Variants in MFN2 observed in about 807,000 individuals in gnomAD.
MFN2 encodes mitofusin 2.
MFN2 carries 43 observed loss-of-function variants against 87.5 expected under a neutral mutation model. That is an observed-to-expected ratio of 0.49 (90% CI 0.38 to 0.63). The LOEUF is 0.63. MFN2 is among the 30% of genes least tolerant of loss of function. The pLI, the probability that MFN2 is intolerant of heterozygous loss-of-function variation, is 0.00. For missense variants in MFN2, 743 were observed against 972.8 expected, an observed-to-expected ratio of 0.76 and a Z score of 3.14; for synonymous variants, 337 against 359.9, an observed-to-expected ratio of 0.94 and a Z score of 0.72.
At chr1:11,984,539 G>A (rs1404197877) in intron 2 of MFN2, among the ~76,000 whole-genome samples, 1 of 152,220 alleles carries the variant, frequency 6.6e-6, no homozygotes, top group African/African-American at 2.4e-5. Context: ...CACGGATCCA[G>A]GCTCATAACT....
Position 12,003,439 on chromosome 1 carries a change from TG to T in MFN2, c.1161-551del, listed in dbSNP as rs1639262964. Among the ~76,000 whole-genome samples, 1 of 152,200 alleles carries T rather than the reference TG, an allele frequency of 6.6e-6. No individual in the cohort carries two copies. The highest frequency in any genetic ancestry group is 1.5e-5 in the Non-Finnish European group (1 of 68,036). ...CAACACTTTGGGAGGCCAAGGCGGA[TG>T]GATCACCTGAGGTCAGGAGTTCAAG... On this transcript the variant is annotated intron_variant, in intron 11 of 18. Coordinates refer to ENST00000235329, the MANE Select transcript of MFN2 (RefSeq NM_014874.4). This position sits in a 1 kb window ranked among gnomAD's most constrained non-coding sequence, Gnocchi z 4.1.
At chr1:11,997,263 C>T (rs760774427) in intron 5 of MFN2, 34 bp from the exon 6 acceptor site, 20 of 1,613,428 alleles carry the variant, frequency 1.2e-5, no homozygotes, top group Non-Finnish European at 1.7e-5. Flanking sequence ...GGTGGTTCCT[C>T]CTCAGCCTCT....
intron 2 of MFN2, among the ~76,000 whole-genome samples, chr1:11,988,269 AT>A (rs1638513460): frequency 6.6e-6 from 1 of 151,208 alleles, no homozygotes; most frequent in Non-Finnish European, 1.5e-5. Flanking sequence ...ACCCGGCTAT[AT>A]TTTTTTGTAT....
rs920021325 is a variant in MFN2 at position 12,009,311 on chromosome 1, C to T, written c.2070-281C>T. 3.9e-5 allele frequency among the ~76,000 whole-genome samples: 6 copies of T among 152,204 alleles called. No individual in the cohort carries two copies. In the East Asian group the frequency reaches 5.8e-4, roughly 15 times the overall value. On this transcript the variant is annotated intron_variant, in intron 17 of 18. Coordinates refer to ENST00000235329, the MANE Select transcript of MFN2 (RefSeq NM_014874.4). ...AAATAGTGACGTGTCCTCTGCTACT[C>T]GGCTGATGAGCAGCAGAGTCAGGAT...
chr1:11,994,589 CAAAAA>C, intron 4 of MFN2, among the ~76,000 whole-genome samples: 1 of 133,364 alleles, frequency 7.5e-6, no homozygotes, highest in Non-Finnish European at 1.6e-5. Flanking sequence ...GACTCCGTCT[CAAAAA>C]AAAAAAATCT....
At chr1:11,989,541 T>TA (rs1166832801) in intron 3 of MFN2, among the ~76,000 whole-genome samples, 198 bp downstream of exon 3, 1 of 152,052 alleles carries the variant, frequency 6.6e-6, no homozygotes, top group East Asian at 1.9e-4. Flanking sequence ...TGCCATTTAG[T>TA]AATTACTTTA....
At chr1:11,989,943 CA>C (rs1372232416) in intron 3 of MFN2, among the ~76,000 whole-genome samples, 1 of 152,248 alleles carries the variant, frequency 6.6e-6, no homozygotes, top group Non-Finnish European at 1.5e-5. Flanking sequence ...TCAACTCCAG[CA>C]CTGGCTTCCT....
In MFN2 at chr1:12,012,729, C is replaced by T. The variant is rs1438608807; in HGVS notation, c.*1164C>T. ...ATCTCCAGAACCTTCGACTGACCCCCTTGTCTTTATGCTGATGTTGAGTTT... is the reference window on the plus strand; with the variant it reads ...ATCTCCAGAACCTTCGACTGACCCCTTTGTCTTTATGCTGATGTTGAGTTT... On this transcript the variant is annotated 3_prime_UTR_variant, in exon 19 of 19. Transcript: ENST00000235329. 1 of 152,414 alleles carries T rather than the reference C, an allele frequency of 6.6e-6. No individual in the cohort carries two copies. Among genetic ancestry groups the T allele is most frequent in the Non-Finnish European group, 1.5e-5 (1 of 68,188 alleles). The allele number at this position is 152,414 out of a possible 1,614,324, so 9.4% of individuals were successfully genotyped here. A position where few individuals can be genotyped will look rare whatever the true frequency, so the allele number is the denominator to read the frequency against.
In MFN2 at chr1:12,011,644, C is replaced by T. The variant is rs1639704848; in HGVS notation, c.*79C>T. On this transcript the variant is annotated 3_prime_UTR_variant, in exon 19 of 19. Coordinates refer to ENST00000235329, the MANE Select transcript of MFN2 (RefSeq NM_014874.4). ...TGCCATGTGGGCTCCCCCAGGGGCA[C>T]GTGTGGCTCCTGCCCCCTGGCCACT... 22 of 1,469,190 alleles carry T rather than the reference C, an allele frequency of 1.5e-5. No homozygotes were observed. The highest frequency in any genetic ancestry group is 2.0e-5 in the Non-Finnish European group (21 of 1,052,154). The allele number at this position is 1,469,190 out of a possible 1,614,324, so 91.0% of individuals were successfully genotyped here.
Position 12,010,634 on chromosome 1 carries a change from A to G in MFN2, c.2205-862A>G, listed in dbSNP as rs1221107405. Among the ~76,000 whole-genome samples, 7 of 152,020 alleles carry G rather than the reference A, an allele frequency of 4.6e-5. No homozygotes were observed. The South Asian group carries it at 1.5e-3, about 32-fold the overall frequency. ...GGAGCTTTCATTAATAATTTGCTGG[A>G]AAGAACATCAGTCTGAGGAGTCTGG... On this transcript the variant is annotated intron_variant, in intron 18 of 18. Coordinates refer to ENST00000235329, the MANE Select transcript of MFN2 (RefSeq NM_014874.4).
rs373508235 is a variant in MFN2 at position 12,008,446 on chromosome 1, C to T, written c.2070-1146C>T. On this transcript the variant is annotated intron_variant, in intron 17 of 18. Transcript: ENST00000235329. ...TGACCCCCCCCACCTCCCTCCCGGA[C>T]GGGGCGGCTGGCCGGGCGGGGACTG... Among the ~76,000 whole-genome samples, 19 of 141,640 alleles carry T rather than the reference C, an allele frequency of 1.3e-4. No homozygotes were observed. In the East Asian group the frequency reaches 2.3e-3, roughly 17 times the overall value. 92.9% of individuals were successfully genotyped at this position (141,640 alleles called of 152,430 possible).
Position 11,989,363 on chromosome 1 carries a change from G to A in MFN2, c.175+20G>A. The A allele has an allele frequency of 6.2e-7, 1 of 1,613,162 alleles. No homozygotes were observed. The highest frequency in any genetic ancestry group is 1.1e-5 in the South Asian group (1 of 91,070). On this transcript the variant is annotated intron_variant, in intron 3 of 18. Coordinates refer to ENST00000235329, the MANE Select transcript of MFN2 (RefSeq NM_014874.4). ...TTGAAGGTAAGGGGGCACCGGCTCAGCCAGGCCCGCTCTTACCTGTTTAGA... is the reference window on the plus strand; with the variant it reads ...TTGAAGGTAAGGGGGCACCGGCTCAACCAGGCCCGCTCTTACCTGTTTAGA...
intron 2 of MFN2, among the ~76,000 whole-genome samples, chr1:11,988,355 A>C (rs1455060088): frequency 6.7e-6 from 1 of 150,194 alleles, no homozygotes; most frequent in Admixed American, 6.6e-5. Flanking sequence ...CACTTGCCTC[A>C]GCCTCCCAGA....
At chr1:11,995,541 G>C (rs1043305353) in intron 4 of MFN2, among the ~76,000 whole-genome samples, 4 of 152,060 alleles carry the variant, frequency 2.6e-5, no homozygotes, top group African/African-American at 7.2e-5. Context: ...GCTGAGGCAG[G>C]AGAATTGCTT....
chr1:12,008,489 C>T (rs74976972), intron 17 of MFN2, among the ~76,000 whole-genome samples: 78,065 of 148,364 alleles, frequency 0.53, 21,265 homozygotes, highest in South Asian at 0.62. Context: ...ACCTCCCGGA[C>T]GGGGCGGCTG....
At chr1:11,998,044 T>C (rs992358614) in intron 6 of MFN2, among the ~76,000 whole-genome samples, 10 of 151,262 alleles carry the variant, frequency 6.6e-5, no homozygotes, top group East Asian at 6.0e-4. Context: ...CCACCATGCC[T>C]GGCTAAATTT....
chr1:11,985,347 G>A (rs1490975088), intron 2 of MFN2, among the ~76,000 whole-genome samples: 2 of 151,300 alleles, frequency 1.3e-5, no homozygotes, highest in African/African-American at 2.4e-5. Context: ...GAAATAACTT[G>A]CTTAAGTTTA....
chr1:11,985,833 G>A lies in MFN2; in HGVS notation c.-4-3332G>A, dbSNP rs190743298. ...GTGCCTGCCACATCCCCTCTTTCTC[G>A]AACAGTCTGATCTGCCAGGCCATGG... On this transcript the variant is annotated intron_variant, in intron 2 of 18. Coordinates refer to ENST00000235329, the MANE Select transcript of MFN2 (RefSeq NM_014874.4). Among the ~76,000 whole-genome samples, 32 of 152,110 alleles carry A rather than the reference G, an allele frequency of 2.1e-4. No homozygotes were observed. The East Asian group carries it at 5.0e-3, about 24-fold the overall frequency.
At chr1:11,990,003 C>G (rs975863120) in intron 3 of MFN2, among the ~76,000 whole-genome samples, 2 of 152,194 alleles carry the variant, frequency 1.3e-5, no homozygotes, top group African/African-American at 4.8e-5. Flanking sequence ...CTGAGATTGT[C>G]TGTGGAGACC....
Sources: allele counts gnomAD v4.1 joint callset (sites outside exome capture counted in the v4.1 genomes callset), GRCh38; gene constraint gnomAD v4.1.1; non-coding constraint Gnocchi (gnomAD v3.1); transcripts MANE v1.5; gene names NCBI Gene and HGNC (gene_info 2026-07-23, HGNC 2026-07-21).